RBFOX1: variants seen among roughly 807,000 people sequenced by gnomAD.
The protein encoded by RBFOX1 is RNA binding fox-1 homolog 1.
Under a neutral mutation model 57.7 loss-of-function variants are expected in RBFOX1, and 8 were observed. The ratio of observed to expected loss-of-function variants is 0.14; its 90% CI spans 0.08 to 0.25. RBFOX1 has a LOEUF of 0.25. Among genes scored for constraint, RBFOX1 ranks in the 10% least tolerant of loss-of-function variants. The pLI is 1.00. For synonymous variants in RBFOX1, 326 were observed against 222.4 expected (o/e 1.47, Z -4.15); for missense variants, 611 against 548.5 (o/e 1.11, Z -1.14).
chr16:6,513,148 G>C (rs1378121632), intron 2 of RBFOX1, among the ~76,000 whole-genome samples: 1 of 152,196 alleles, frequency 6.6e-6, no homozygotes, highest in Non-Finnish European at 1.5e-5. Flanking sequence ...ATCTTAGGTA[G>C]CTCTCTGAGC....
At chr16:7,191,352 A>AAAC in intron 4 of RBFOX1, among the ~76,000 whole-genome samples, 1 of 148,160 alleles carries the variant, frequency 6.7e-6, no homozygotes, top group African/African-American at 2.5e-5. Context: ...AAAAAAAAAA[A>AAAC]CAGCACATTG....
At chr16:7,492,519 A>T (rs2067255149) in intron 4 of RBFOX1, among the ~76,000 whole-genome samples, 3 of 152,174 alleles carry the variant, frequency 2.0e-5, no homozygotes. Context: ...AGCCACATGT[A>T]GCTACTTAAA....
intron 2 of RBFOX1, among the ~76,000 whole-genome samples, chr16:6,620,032 C>T (rs2098204301): frequency 1.3e-5 from 2 of 152,164 alleles, no homozygotes; most frequent in African/African-American, 4.8e-5. Context: ...CTGCAAAGGA[C>T]ATAATCTTAT....
intron 3 of RBFOX1, among the ~76,000 whole-genome samples, chr16:5,834,639 C>G (rs2056393485): frequency 6.6e-6 from 1 of 150,744 alleles, no homozygotes; most frequent in Admixed American, 6.6e-5. Context: ...GATTTGTTTT[C>G]TGTTGGGTAG....
At chr16:6,778,665 T>G (rs537754638) in intron 3 of RBFOX1, among the ~76,000 whole-genome samples, 1 of 152,184 alleles carries the variant, frequency 6.6e-6, no homozygotes, top group African/African-American at 2.4e-5. Flanking sequence ...TAAAGAACTT[T>G]CCATTCATAT....
intron 3 of RBFOX1, among the ~76,000 whole-genome samples, chr16:6,682,644 C>T (rs1345281308): frequency 6.6e-6 from 1 of 151,902 alleles, no homozygotes; most frequent in East Asian, 1.9e-4. Flanking sequence ...TTTTCCTTCT[C>T]CCATTGAGAC....
chr16:7,586,848 C>T (rs1039550158), intron 6 of RBFOX1, among the ~76,000 whole-genome samples: 7 of 152,328 alleles, frequency 4.6e-5, no homozygotes, highest in African/African-American at 1.7e-4. Context: ...ATCACATTCT[C>T]ACTGGACATT....
At chr16:6,692,535 C>G (rs984452755) in intron 3 of RBFOX1, among the ~76,000 whole-genome samples, 2 of 152,140 alleles carry the variant, frequency 1.3e-5, no homozygotes, top group South Asian at 4.1e-4. Context: ...TGGTTCCTCT[C>G]TGAATTACTT....
chr16:7,415,306 A>T (rs1430015559), intron 4 of RBFOX1, among the ~76,000 whole-genome samples: 1 of 152,210 alleles, frequency 6.6e-6, no homozygotes, highest in East Asian at 1.9e-4. Flanking sequence ...TTATAATCCA[A>T]GATAAATCCA....
At chr16:6,578,073 T>C (rs1370216366) in intron 2 of RBFOX1, among the ~76,000 whole-genome samples, 1 of 152,116 alleles carries the variant, frequency 6.6e-6, no homozygotes, top group Non-Finnish European at 1.5e-5. Flanking sequence ...CAACAAAAAA[T>C]AAGGTAATAA....
In RBFOX1 at chr16:7,109,092, G is replaced by C. The variant is rs138917175; in HGVS notation, c.27+56994G>C. 1.4e-4 allele frequency among the ~76,000 whole-genome samples: 21 copies of C among 152,218 alleles called. No individual in the cohort carries two copies. In the East Asian group the frequency reaches 4.1e-3, roughly 29 times the overall value. On this transcript the variant is annotated intron_variant, in intron 4 of 15. Transcript: ENST00000550418. The stretch of plus-strand genomic sequence containing the variant: ...AATTTATTGATGAGCAGGGGAGTGA[G>C]GATGGAAAAAGAGCCACCTCTTTGA...
At chr16:7,672,201 G>C (rs1465086025) in intron 13 of RBFOX1, among the ~76,000 whole-genome samples, 2 of 152,104 alleles carry the variant, frequency 1.3e-5, no homozygotes, top group Admixed American at 6.6e-5. Flanking sequence ...ACCACCAACT[G>C]AACAAATTTG....
At chr16:5,979,425 T>C (rs2060130175) in intron 4 of RBFOX1, among the ~76,000 whole-genome samples, 1 of 152,238 alleles carries the variant, frequency 6.6e-6, no homozygotes, top group Non-Finnish European at 1.5e-5. Flanking sequence ...GAAACATTCA[T>C]TCAATGTGAT....
At chr16:6,727,759 T>A (rs767231287) in intron 3 of RBFOX1, among the ~76,000 whole-genome samples, 2 of 152,158 alleles carry the variant, frequency 1.3e-5, no homozygotes, top group Non-Finnish European at 2.9e-5. Context: ...CTGAGTTCAG[T>A]AGCATCCGTC....
intron 3 of RBFOX1, among the ~76,000 whole-genome samples, chr16:6,972,660 G>T (rs1449831720): frequency 6.6e-6 from 1 of 152,048 alleles, no homozygotes; most frequent in Non-Finnish European, 1.5e-5. Context: ...AAATGCTTTG[G>T]GGACAGACAA....
chr16:6,540,116 C>G (rs1338157144), intron 2 of RBFOX1, among the ~76,000 whole-genome samples: 2 of 152,032 alleles, frequency 1.3e-5, no homozygotes, highest in Non-Finnish European at 1.5e-5. Flanking sequence ...TTGAAGAACC[C>G]ATGTTTTTAG....
intron 14 of RBFOX1, among the ~76,000 whole-genome samples, chr16:7,704,616 A>G (rs1440057249): frequency 1.3e-5 from 2 of 152,318 alleles, no homozygotes; most frequent in African/African-American, 4.8e-5. Context: ...GGCAGACAAA[A>G]TAGACACTGC....
At chr16:5,809,304 A>G (rs2055338591) in intron 3 of RBFOX1, among the ~76,000 whole-genome samples, 1 of 152,224 alleles carries the variant, frequency 6.6e-6, no homozygotes, top group Non-Finnish European at 1.5e-5. Flanking sequence ...AATGGCAACA[A>G]AAGCCAAAAT....
At chr16:6,243,113 C>T (rs181551905) in intron 1 of RBFOX1, among the ~76,000 whole-genome samples, 1 of 151,360 alleles carries the variant, frequency 6.6e-6, no homozygotes, top group East Asian at 2.0e-4. Flanking sequence ...TTAGTAGCTG[C>T]AGTTGGATAA....
Sources: allele counts gnomAD v4.1 joint callset (sites outside exome capture counted in the v4.1 genomes callset), GRCh38; gene constraint gnomAD v4.1.1; transcripts MANE v1.5; gene names NCBI Gene and HGNC (gene_info 2026-07-23, HGNC 2026-07-21).